Variants in RASSF9 observed in about 807,000 individuals in gnomAD.
RASSF9 encodes ras association domain-containing protein 9.
A neutral mutation model predicts 21.4 loss-of-function variants in RASSF9; 18 were observed. The ratio of observed to expected loss-of-function variants is 0.84; its 90% CI spans 0.58 to 1.25. The LOEUF (loss-of-function observed/expected upper bound fraction) is 1.25, where lower values mean the gene tolerates loss of function less well. Among genes scored for constraint, RASSF9 ranks in the 50% most tolerant of loss-of-function variants. The pLI is 0.00. For synonymous variants in RASSF9, 183 were observed against 179.1 expected, an observed-to-expected ratio of 1.02 and a Z score of -0.18; for missense variants, 480 against 503.2, an observed-to-expected ratio of 0.95 and a Z score of 0.44.
chr12:85,815,155 T>G (rs1880032706), intron 1 of RASSF9, among the ~76,000 whole-genome samples: 1 of 151,732 alleles, frequency 6.6e-6, no homozygotes, highest in Non-Finnish European at 1.5e-5. Context: ...CACACACAAC[T>G]GTACGAAATG....
chr12:85,835,962 A>T (rs10506917), intron 1 of RASSF9, among the ~76,000 whole-genome samples, 193 bp downstream of exon 1: 7,894 of 152,170 alleles, frequency 0.052, 688 homozygotes, highest in African/African-American at 0.18. Context: ...CAATACTGGG[A>T]GAATATCCTT....
Position 85,805,127 on chromosome 12 carries a change from AAACACTT to A in RASSF9, c.876_882del (p.Lys292AsnfsTer5), listed in dbSNP as rs1208264269. 1 of 1,613,996 alleles carries A rather than the reference AAACACTT, an allele frequency of 6.2e-7. No individual in the cohort carries two copies. Among genetic ancestry groups the A allele is most frequent in the Non-Finnish European group, 8.5e-7 (1 of 1,179,906 alleles). ...TCCGCATCTTCATTTATATCAATGCAAACACTTTTTACCTCTTTTTCTATTTCAGCAG... is the reference window on the plus strand; with the variant it reads ...TCCGCATCTTCATTTATATCAATGCATTTACCTCTTTTTCTATTTCAGCAG... On this transcript the variant is annotated frameshift_variant, in exon 2 of 2. Coordinates refer to ENST00000361228, the MANE Select transcript of RASSF9 (RefSeq NM_005447.4). LOFTEE classifies it high-confidence loss of function.
chr12:85,830,819 T>C (rs1392331373), intron 1 of RASSF9, among the ~76,000 whole-genome samples: 2 of 152,092 alleles, frequency 1.3e-5, no homozygotes, highest in African/African-American at 4.8e-5. Context: ...ATCCAACAAA[T>C]ACACAAACTT....
intron 1 of RASSF9, among the ~76,000 whole-genome samples, chr12:85,824,815 T>C (rs2136560944): frequency 6.6e-6 from 1 of 152,334 alleles, no homozygotes; most frequent in Middle Eastern, 3.4e-3. Flanking sequence ...ATGGACTGCA[T>C]CTGCCACGCT....
intron 1 of RASSF9, among the ~76,000 whole-genome samples, chr12:85,818,690 G>A (rs1294697439): frequency 6.6e-6 from 1 of 152,126 alleles, no homozygotes; most frequent in Non-Finnish European, 1.5e-5. Context: ...GCCGGGCGTG[G>A]TGGCTCACGT....
At chr12:85,835,259 C>T (rs1880533623) in intron 1 of RASSF9, among the ~76,000 whole-genome samples, 1 of 152,028 alleles carries the variant, frequency 6.6e-6, no homozygotes, top group East Asian at 1.9e-4. Flanking sequence ...AAGTGGTGGA[C>T]AATCCCCTAT....
chr12:85,836,149 CTT>C lies in RASSF9; in HGVS notation c.47+4_47+5del, dbSNP rs1189076277. On this transcript the variant is annotated splice_donor_5th_base_variant and intron_variant, in intron 1 of 1. Coordinates refer to ENST00000361228, the MANE Select transcript of RASSF9 (RefSeq NM_005447.4). ...CACACACACTTACTCACACGCTTGACTTTACCTGTTTTTATGCCGAGTCTTTA... is the reference window on the plus strand; with the variant it reads ...CACACACACTTACTCACACGCTTGACTACCTGTTTTTATGCCGAGTCTTTA... 1 of 1,544,334 alleles carries C rather than the reference CTT, an allele frequency of 6.5e-7. No individual in the cohort carries two copies. The highest frequency in any genetic ancestry group is 2.0e-5 in the Admixed American group (1 of 50,370).
Position 85,825,807 on chromosome 12 carries a change from CA to C in RASSF9, c.47+10347del, listed in dbSNP as rs1158068528. ...TTACACACACACACACACACACACACACACACACCCTTACAGTCTAGTGGAA... is the reference window on the plus strand; with the variant it reads ...TTACACACACACACACACACACACACCACACACCCTTACAGTCTAGTGGAA... On this transcript the variant is annotated intron_variant, in intron 1 of 1. Coordinates refer to ENST00000361228, the MANE Select transcript of RASSF9 (RefSeq NM_005447.4). Among the ~76,000 whole-genome samples the C allele has an allele frequency of 3.6e-3, 549 of 152,128 alleles. 3 individuals are homozygous for C. Among genetic ancestry groups the C allele is most frequent in the African/African-American group, 0.013 (530 of 41,488 alleles).
Position 85,826,402 on chromosome 12 carries a change from C to CCCT in RASSF9, c.47+9750_47+9752dup, listed in dbSNP as rs997568318. Among the ~76,000 whole-genome samples, 31 of 152,002 alleles carry CCCT rather than the reference C, an allele frequency of 2.0e-4. No individual in the cohort carries two copies. In the East Asian group the frequency reaches 3.1e-3, roughly 15 times the overall value. ...TTCTATTTAAGAAAGTCCTTTAACTCCCTCGTACCTGGCCCACTCGTATTC... is the reference window on the plus strand; with the variant it reads ...TTCTATTTAAGAAAGTCCTTTAACTCCCTCCTCGTACCTGGCCCACTCGTATTC... On this transcript the variant is annotated intron_variant, in intron 1 of 1. Coordinates refer to ENST00000361228, the MANE Select transcript of RASSF9 (RefSeq NM_005447.4).
chr12:85,810,424 C>T (rs1032943267), intron 1 of RASSF9, among the ~76,000 whole-genome samples: 3 of 151,932 alleles, frequency 2.0e-5, no homozygotes, highest in African/African-American at 7.2e-5. Context: ...ACATTAGTAG[C>T]ACCCAGTTGC....
rs1365456471 is a variant in RASSF9 at position 85,800,729 on chromosome 12, T to G, written c.*3973A>C. 6.6e-5 allele frequency: 10 copies of G among 151,920 alleles called. No homozygotes were observed. The highest frequency in any genetic ancestry group is 6.6e-4 in the Admixed American group (10 of 15,248). The allele number at this position is 151,920 out of a possible 1,614,324, so 9.4% of individuals were successfully genotyped here. A position where few individuals can be genotyped will look rare whatever the true frequency, so the allele number is the denominator to read the frequency against. ...AAGGTATAATTATTTCTTTTATTAT[T>G]TTGGATCAGTTACAACATGATAAAA... is the stretch of plus-strand genomic sequence containing the variant. On this transcript the variant is annotated 3_prime_UTR_variant, in exon 2 of 2. Coordinates refer to ENST00000361228, the MANE Select transcript of RASSF9 (RefSeq NM_005447.4).
rs1565750195 is a variant in RASSF9 at position 85,803,278 on chromosome 12, T to A, written c.*1424A>T. On this transcript the variant is annotated 3_prime_UTR_variant, in exon 2 of 2. Transcript: ENST00000361228. ...ATAAAAGAGAAGAAATGAGAAGGAT[T>A]GGGACCCTTAACCAATGTCCACATA... 1 of 152,110 alleles carries A rather than the reference T, an allele frequency of 6.6e-6. No individual in the cohort carries two copies. The allele number at this position is 152,110 out of a possible 1,614,324, so 9.4% of individuals were successfully genotyped here.
rs1476220790 is a variant in RASSF9, at chr12:85,801,961, T to A, written c.*2741A>T. ...AGAGATGAGATTCCAACTAATTGAA[T>A]GGAACAAACGTATATCATAGAAGAG... On this transcript the variant is annotated 3_prime_UTR_variant, in exon 2 of 2. Coordinates refer to ENST00000361228, the MANE Select transcript of RASSF9 (RefSeq NM_005447.4). 2 of 152,212 alleles carry A rather than the reference T, an allele frequency of 1.3e-5. No homozygotes were observed. Among genetic ancestry groups the A allele is most frequent in the African/African-American group, 2.4e-5 (1 of 41,452 alleles). 9.4% of individuals were successfully genotyped at this position (152,212 alleles called of 1,614,324 possible). A position where few individuals can be genotyped will look rare whatever the true frequency, so the allele number is the denominator to read the frequency against.
At chr12:85,807,224 G>A (rs970581000) in intron 1 of RASSF9, among the ~76,000 whole-genome samples, 4 of 152,086 alleles carry the variant, frequency 2.6e-5, no homozygotes, top group Admixed American at 6.6e-5. Context: ...AAGGATCTAG[G>A]GACAGCAATA....
At chr12:85,818,562 C>A (rs1297129907) in intron 1 of RASSF9, among the ~76,000 whole-genome samples, 1 of 152,128 alleles carries the variant, frequency 6.6e-6, no homozygotes, top group East Asian at 1.9e-4. Flanking sequence ...AATGTATTAT[C>A]AATATAGAAG....
intron 1 of RASSF9, among the ~76,000 whole-genome samples, chr12:85,808,565 A>G (rs1444839522): frequency 6.6e-6 from 1 of 152,102 alleles, no homozygotes; most frequent in African/African-American, 2.4e-5. Context: ...CTGTCTAAAC[A>G]AAAACAAGTA....
At chr12:85,823,132 G>A (rs1185567455) in intron 1 of RASSF9, among the ~76,000 whole-genome samples, 1 of 151,130 alleles carries the variant, frequency 6.6e-6, no homozygotes, top group Non-Finnish European at 1.5e-5. Flanking sequence ...CCTGGGAGGC[G>A]GAGCTTGCAG....
chr12:85,833,058 C>T (rs1592535573), intron 1 of RASSF9, among the ~76,000 whole-genome samples: 1 of 151,526 alleles, frequency 6.6e-6, no homozygotes, highest in South Asian at 2.1e-4. Flanking sequence ...TTCCTGAATA[C>T]TATTTCCCAA....
At chr12:85,806,058 T>G in intron 1 of RASSF9, 96 bp from the exon 2 acceptor site, 1 of 1,344,566 alleles carries the variant, frequency 7.4e-7, no homozygotes, top group South Asian at 1.6e-5. Context: ...ATTTTTACCC[T>G]TAATGAGAGA....
Sources: allele counts gnomAD v4.1 joint callset (sites outside exome capture counted in the v4.1 genomes callset), GRCh38; gene constraint gnomAD v4.1.1; transcripts MANE v1.5; gene names NCBI Gene and HGNC (gene_info 2026-07-23, HGNC 2026-07-21).